The following MKX variants were observed in gnomAD, a reference collection of about 807,000 sequenced individuals.
MKX encodes the protein mohawk homeobox.
Under a neutral mutation model 36.0 loss-of-function variants are expected in MKX, and 13 were observed. The ratio of observed to expected loss-of-function variants is 0.36; its 90% CI spans 0.24 to 0.57. The LOEUF (loss-of-function observed/expected upper bound fraction) is 0.57. Ranked by LOEUF, MKX falls within the 20% of genes least tolerant of loss-of-function variation. The probability of loss-of-function intolerance (pLI) is 0.79; values close to 1 mark genes in which losing one functional copy is unlikely to be tolerated. For synonymous variants in MKX, 176 were observed against 178.3 expected (o/e 0.99, Z 0.10); for missense variants, 458 against 456.4 (o/e 1.00, Z -0.03).
chr10:27,701,303 C>T (rs1178029298), intron 5 of MKX, among the ~76,000 whole-genome samples: 9 of 133,676 alleles, frequency 6.7e-5, no homozygotes, highest in Non-Finnish European at 1.2e-4. Flanking sequence ...CATCACGGCA[C>T]GCAGCGCATT....
chr10:27,740,314 C>T (rs1834865304), intron 3 of MKX, among the ~76,000 whole-genome samples: 1 of 152,216 alleles, frequency 6.6e-6, no homozygotes, highest in Non-Finnish European at 1.5e-5. Context: ...GGTAATGCTA[C>T]CGCAATGTGC....
chr10:27,717,595 C>T (rs1176668577), intron 5 of MKX, among the ~76,000 whole-genome samples: 1 of 152,204 alleles, frequency 6.6e-6, no homozygotes, highest in Admixed American at 6.5e-5. Flanking sequence ...CATTGCCCAT[C>T]AGCATCTCCA....
chr10:27,695,024 G>T (rs1836529411), intron 5 of MKX, among the ~76,000 whole-genome samples: 1 of 151,958 alleles, frequency 6.6e-6, no homozygotes, highest in Admixed American at 6.6e-5. Flanking sequence ...TTATAGCCCA[G>T]CCTTGCATTC....
At chr10:27,725,950 G>A (rs772742320) in intron 5 of MKX, among the ~76,000 whole-genome samples, 1 of 152,010 alleles carries the variant, frequency 6.6e-6, no homozygotes, top group Non-Finnish European at 1.5e-5. Flanking sequence ...GATTTTTTAC[G>A]ACTTATTTAG....
chr10:27,676,695 C>T (rs1415653440), intron 5 of MKX, among the ~76,000 whole-genome samples: 1 of 152,094 alleles, frequency 6.6e-6, no homozygotes, highest in Non-Finnish European at 1.5e-5. Flanking sequence ...ACATTTATTT[C>T]AGACAAAGGA....
chr10:27,692,926 C>A (rs1232053075), intron 5 of MKX, among the ~76,000 whole-genome samples: 4 of 152,120 alleles, frequency 2.6e-5, no homozygotes, highest in African/African-American at 9.7e-5. Flanking sequence ...ATCCACCAGG[C>A]GAACAGCTTG....
chr10:27,726,622 T>C (rs1420953405), intron 5 of MKX, among the ~76,000 whole-genome samples: 4 of 152,148 alleles, frequency 2.6e-5, no homozygotes, highest in Non-Finnish European at 5.9e-5. Context: ...AGTCACTCCT[T>C]TACTTGAAAA....
chr10:27,745,067 T>G (rs1835021467), intron 1 of MKX: 1 of 152,238 alleles, frequency 6.6e-6, no homozygotes, highest in Non-Finnish European at 1.5e-5. Context: ...AATCATGCCC[T>G]TAGGGATGTG....
At chr10:27,685,584 G>C (rs558612949) in intron 5 of MKX, among the ~76,000 whole-genome samples, 1 of 152,026 alleles carries the variant, frequency 6.6e-6, no homozygotes, top group African/African-American at 2.4e-5. Flanking sequence ...GAGTAGCTGG[G>C]ACTACAGGCG....
intron 5 of MKX, among the ~76,000 whole-genome samples, chr10:27,722,635 C>T (rs1834404650): frequency 6.6e-6 from 1 of 152,172 alleles, no homozygotes; most frequent in Admixed American, 6.5e-5. Flanking sequence ...CCTGTGGTCT[C>T]ATCTACAAGT....
chr10:27,675,492 G>C (rs902412493), intron 6 of MKX, 29 bp downstream of exon 6: 1 of 1,614,108 alleles, frequency 6.2e-7, no homozygotes. Context: ...CTGAAAAGCA[G>C]GAACGGCCAA....
chr10:27,721,679 C>T lies in MKX; in HGVS notation c.838+12777G>A, dbSNP rs148528746. 8.9e-4 allele frequency among the ~76,000 whole-genome samples: 135 copies of T among 152,188 alleles called. 4 individuals carry two copies. The East Asian group carries it at 0.022, about 25-fold the overall frequency. ...GGAAAAATAGCTAAAGCATGTTGGG[C>T]TTAATACCTAGGTGAGGGGTTGACA... On this transcript the variant is annotated intron_variant, in intron 5 of 6. Coordinates refer to ENST00000419761, the MANE Select transcript of MKX (RefSeq NM_173576.3).
chr10:27,696,650 T>C (rs1028582057), intron 5 of MKX, among the ~76,000 whole-genome samples: 2 of 152,142 alleles, frequency 1.3e-5, no homozygotes, highest in African/African-American at 4.8e-5. Flanking sequence ...AACATTAGGA[T>C]GGAATCTTCA....
chr10:27,733,370 G>T (rs777206064), intron 5 of MKX, among the ~76,000 whole-genome samples: 2 of 152,130 alleles, frequency 1.3e-5, no homozygotes, highest in Non-Finnish European at 1.5e-5. Context: ...CAAGCTTCTT[G>T]ATATTATGAA....
At chr10:27,704,617 T>C (rs1326241675) in intron 5 of MKX, among the ~76,000 whole-genome samples, 2 of 152,126 alleles carry the variant, frequency 1.3e-5, no homozygotes, top group South Asian at 2.1e-4. Flanking sequence ...GGGCAATAAA[T>C]GGTGTTAGAA....
At chr10:27,676,515 T>C (rs1325762623) in intron 5 of MKX, among the ~76,000 whole-genome samples, 2 of 151,694 alleles carry the variant, frequency 1.3e-5, no homozygotes, top group African/African-American at 4.8e-5. Context: ...GTAGCTGGGA[T>C]TACAGGCACC....
intron 5 of MKX, among the ~76,000 whole-genome samples, chr10:27,728,713 C>T (rs774750773): frequency 8.5e-5 from 13 of 152,260 alleles, no homozygotes; most frequent in Non-Finnish European, 1.6e-4. Context: ...GTTTATTGAA[C>T]TCATGAGCAT....
At position 27,734,539 on chromosome 10, in the gene MKX, C is replaced by T. The variant is rs1489666590; in HGVS notation, c.755G>A (p.Gly252Glu). The T allele has an allele frequency of 2.5e-6, 4 of 1,614,054 alleles. No homozygotes were observed. Among genetic ancestry groups the T allele is most frequent in the Admixed American group, 3.3e-5 (2 of 60,006 alleles). ...CTCAAATTCATTGGAGCTAAAAGAT[C>T]CCGAGTGGTTTCTTTGCCTTGTTTT... Reference protein sequence around the residue: ...MGKTRQRNHSGSFSSNEFEEE... With the variant: ...MGKTRQRNHSESFSSNEFEEE... Residue 252 changes from glycine (G) to glutamate (E), a missense_variant, in exon 5 of 7, where the codon GGA becomes GAA. Gly to Glu is a moderately conservative substitution (Grantham distance 98). Coordinates refer to ENST00000419761, the MANE Select transcript of MKX (RefSeq NM_173576.3).
chr10:27,693,055 C>T (rs1191016970), intron 5 of MKX, among the ~76,000 whole-genome samples: 1 of 152,160 alleles, frequency 6.6e-6, no homozygotes, highest in Non-Finnish European at 1.5e-5. Context: ...TTTTGAACAG[C>T]CACAGAATGT....
Sources: gnomAD v4.1 joint callset for allele counts (sites outside exome capture counted in the v4.1 genomes callset) on GRCh38, gnomAD v4.1.1 for gene constraint, MANE v1.5 for transcripts, NCBI Gene and HGNC (gene_info 2026-07-23, HGNC 2026-07-21) for gene names.